Variants in ATR observed in about 807,000 individuals in gnomAD.
The protein encoded by ATR is serine/threonine-protein kinase ATR.
In ATR, 142 loss-of-function variants were observed where a neutral mutation model predicts 305.3. The observed-to-expected ratio is 0.47, with a 90% CI of 0.41 to 0.53. ATR has a LOEUF of 0.53. Ranked by LOEUF, ATR falls within the 20% of genes least tolerant of loss-of-function variation. ATR has a pLI of 0.00. For missense variants in ATR, 2,135 were observed against 3,133.1 expected, an observed-to-expected ratio of 0.68 and a Z score of 7.60; for synonymous variants, 1,050 against 1,068.1, an observed-to-expected ratio of 0.98 and a Z score of 0.33.
At chr3:142,491,266 A>G (rs2031260706) in intron 35 of ATR, among the ~76,000 whole-genome samples, 1 of 152,156 alleles carries the variant, frequency 6.6e-6, no homozygotes, top group Non-Finnish European at 1.5e-5. Flanking sequence ...ATGTCATTCT[A>G]CAGTAGTCAG....
intron 30 of ATR, among the ~76,000 whole-genome samples, chr3:142,501,893 C>T (rs887427038): frequency 6.6e-6 from 1 of 152,140 alleles, no homozygotes; most frequent in African/African-American, 2.4e-5. Context: ...TACAGATGTG[C>T]ACCATCACGC....
intron 8 of ATR, 100 bp from the exon 9 acceptor site, chr3:142,556,675 T>C: frequency 1.8e-6 from 2 of 1,107,362 alleles, no homozygotes; most frequent in Non-Finnish European, 2.6e-6. Flanking sequence ...TGTATACATA[T>C]ATATAAATAA....
At chr3:142,499,129 C>A in intron 31 of ATR, 1 of 377,890 alleles carries the variant, frequency 2.6e-6, no homozygotes. Context: ...AATCCTCCCA[C>A]CTTGGCCTCC....
chr3:142,470,938 A>G (rs2071248376), intron 36 of ATR, among the ~76,000 whole-genome samples: 1 of 152,196 alleles, frequency 6.6e-6, no homozygotes, highest in Non-Finnish European at 1.5e-5. Flanking sequence ...TAAAACATAC[A>G]TAACATAAAA....
intron 25 of ATR, 88 bp from the exon 26 acceptor site, chr3:142,513,726 C>A: frequency 1.5e-6 from 2 of 1,296,394 alleles, no homozygotes; most frequent in Non-Finnish European, 2.1e-6. Context: ...TTATCACAAA[C>A]GAGTATTCAT....
At chr3:142,544,479 A>AAAAAAAAAAAAAAAAAAC (rs2034190598) in intron 16 of ATR, among the ~76,000 whole-genome samples, 1 of 149,072 alleles carries the variant, frequency 6.7e-6, no homozygotes, top group African/African-American at 2.5e-5. Flanking sequence ...AAAAAAAAAA[A>AAAAAAAAAAAAAAAAAAC]AGATACCATT....
At chr3:142,552,238 CAA>C (rs1279882567) in intron 13 of ATR, among the ~76,000 whole-genome samples, 1 of 152,162 alleles carries the variant, frequency 6.6e-6, no homozygotes, top group Non-Finnish European at 1.5e-5. Flanking sequence ...GGCAACTCCT[CAA>C]AGACCTAGAG....
intron 21 of ATR, among the ~76,000 whole-genome samples, chr3:142,531,035 T>A (rs749174383): frequency 6.6e-6 from 1 of 152,196 alleles, no homozygotes; most frequent in African/African-American, 2.4e-5. Context: ...AAGGTTAAGA[T>A]ATGAGCTCCA....
chr3:142,573,702 A>G (rs1022226158), intron 1 of ATR, among the ~76,000 whole-genome samples: 1 of 152,176 alleles, frequency 6.6e-6, no homozygotes, highest in South Asian at 2.1e-4. Context: ...TATCTGAAAT[A>G]TTAGGTGAAT....
chr3:142,571,575 T>G (rs1403847199), intron 1 of ATR, among the ~76,000 whole-genome samples: 1 of 152,146 alleles, frequency 6.6e-6, no homozygotes, highest in Non-Finnish European at 1.5e-5. Flanking sequence ...GGATTCACAG[T>G]GGGTTATGTG....
rs374606562 is a variant in ATR at position 142,450,145 on chromosome 3, G to A, written c.7762-543C>T. 14 of 325,798 alleles carry A rather than the reference G, an allele frequency of 4.3e-5. No individual in the cohort carries two copies. The East Asian group carries it at 4.6e-4, about 11-fold the overall frequency. 20.2% of individuals were successfully genotyped at this position (325,798 alleles called of 1,614,324 possible). A position where few individuals can be genotyped will look rare whatever the true frequency, so the allele number is the denominator to read the frequency against. On this transcript the variant is annotated intron_variant, in intron 46 of 46. Coordinates refer to ENST00000350721, the MANE Select transcript of ATR (RefSeq NM_001184.4). ...CCACGAGCACAAAGAGGAGGGCCAC[G>A]GGGTGGAGACTGTTGCTGTGCCATC...
intron 21 of ATR, among the ~76,000 whole-genome samples, chr3:142,527,753 A>G (rs993708061): frequency 1.3e-5 from 2 of 152,304 alleles, no homozygotes; most frequent in East Asian, 3.9e-4. Context: ...GTACAAATGA[A>G]TGGTCTTTAG....
At chr3:142,463,467 G>A (rs771921850) in intron 41 of ATR, among the ~76,000 whole-genome samples, 1 of 152,182 alleles carries the variant, frequency 6.6e-6, no homozygotes, top group Admixed American at 6.5e-5. Context: ...CACGATCTGG[G>A]CTCACTGCAA....
Position 142,503,433 on chromosome 3 carries a change from T to C in ATR, c.5217A>G (p.Val1739=), listed in dbSNP as rs759675282. The change falls in exon 30 of 47, where the codon GTA becomes GTG. Residue 1739 remains valine (V), a synonymous_variant. Transcript: ENST00000350721. ...EPDQIIHYHG[V]VKSMLGLGQL... is the part of the protein sequence containing the mutation. ...GACCAAGACCTAACATGGACTTTAC[T>C]ACACCATGATAATGAATGATCTAGA... 1.1e-5 allele frequency: 17 copies of C among 1,601,390 alleles called. No individual in the cohort carries two copies. The highest frequency in any genetic ancestry group is 1.5e-5 in the Non-Finnish European group (17 of 1,169,206).
intron 21 of ATR, among the ~76,000 whole-genome samples, chr3:142,534,239 C>T (rs1161147082): frequency 6.6e-6 from 1 of 152,040 alleles, no homozygotes; most frequent in Admixed American, 6.6e-5. Flanking sequence ...TGATAATGCA[C>T]ATCTATAGTC....
intron 18 of ATR, among the ~76,000 whole-genome samples, chr3:142,540,035 C>T (rs1415580947): frequency 2.0e-5 from 3 of 152,056 alleles, no homozygotes; most frequent in African/African-American, 7.2e-5. Context: ...ACAAGAGAAG[C>T]ACAAAGCCTC....
At chr3:142,489,643 C>T (rs909795796) in intron 35 of ATR, among the ~76,000 whole-genome samples, 2 of 152,114 alleles carry the variant, frequency 1.3e-5, no homozygotes, top group African/African-American at 4.8e-5. Context: ...ATCAGTAGTT[C>T]ATTTCTTCTT....
chr3:142,573,039 G>A (rs1051982132), intron 1 of ATR, among the ~76,000 whole-genome samples: 2 of 152,160 alleles, frequency 1.3e-5, no homozygotes, highest in Non-Finnish European at 2.9e-5. Flanking sequence ...GCTCTTATAG[G>A]AGAGAAAATG....
intron 29 of ATR, among the ~76,000 whole-genome samples, chr3:142,503,754 C>T (rs2032096858): frequency 6.6e-6 from 1 of 152,148 alleles, no homozygotes; most frequent in African/African-American, 2.4e-5. Context: ...TGCTTACTTA[C>T]ATGGCAGGAC....
Sources: gnomAD v4.1 joint callset for allele counts (sites outside exome capture counted in the v4.1 genomes callset) on GRCh38, gnomAD v4.1.1 for gene constraint, MANE v1.5 for transcripts, NCBI Gene and HGNC (gene_info 2026-07-23, HGNC 2026-07-21) for gene names.